ARMC9: variants seen among roughly 807,000 people sequenced by gnomAD.
ARMC9 encodes the protein lisH domain-containing protein ARMC9.
Under a neutral mutation model 107.0 loss-of-function variants are expected in ARMC9, and 94 were observed. The ratio of observed to expected loss-of-function variants is 0.88; its 90% confidence interval spans 0.74 to 1.04. The LOEUF is 1.04. Ranked by LOEUF, ARMC9 falls within the 50% of genes least tolerant of loss-of-function variation. The pLI is 0.00. For synonymous variants in ARMC9, 380 were observed against 396.9 expected (o/e 0.96, Z 0.51); for missense variants, 942 against 1,030.1 (o/e 0.91, Z 1.17).
At chr2:231,335,128 G>A (rs2044000796) in intron 20 of ARMC9, among the ~76,000 whole-genome samples, 1 of 152,208 alleles carries the variant, frequency 6.6e-6, no homozygotes. Context: ...AGACACAGCT[G>A]TTACCGTCAA....
At chr2:231,291,759 G>A (rs890069163) in intron 18 of ARMC9, among the ~76,000 whole-genome samples, 2 of 151,362 alleles carry the variant, frequency 1.3e-5, no homozygotes, top group Non-Finnish European at 2.9e-5. Flanking sequence ...AAGTTGCAGT[G>A]AGCCGAGATT....
rs144242014 is a variant in ARMC9 at position 231,217,631 on chromosome 2, T to G, written c.504+838T>G. On this transcript the variant is annotated intron_variant, in intron 5 of 24. Transcript: ENST00000611582. The stretch of plus-strand genomic sequence containing the variant: ...ACCTGCTCGAATGGCAACCTAACAA[T>G]TTTTACATTATCACACACAGAATTG... Among the ~76,000 whole-genome samples the G allele has an allele frequency of 1.4e-4, 21 of 152,160 alleles. No individual in the cohort carries two copies. The East Asian group carries it at 4.1e-3, about 29-fold the overall frequency.
In ARMC9 at chr2:231,345,018, A is replaced by C; in HGVS notation, c.1922A>C (p.Asn641Thr). Reference protein sequence around the residue: ...TGKTRRKGLANVQWSGDEPLQ... With the variant: ...TGKTRRKGLATVQWSGDEPLQ... ...AAGACAAGGCGGAAGGGGCTGGCTAATGTGCAGTGGAGCGGGGATGAGCCC... is the reference window on the plus strand; with the variant it reads ...AAGACAAGGCGGAAGGGGCTGGCTACTGTGCAGTGGAGCGGGGATGAGCCC... Residue 641 changes from asparagine (N) to threonine (T), a missense_variant, in exon 21 of 25, where the codon AAT (asparagine) becomes ACT (threonine). Asn to Thr is a moderately conservative substitution (Grantham distance 65). Coordinates refer to ENST00000611582, the MANE Select transcript of ARMC9 (RefSeq NM_001352754.2). The C allele has an allele frequency of 6.2e-7, 1 of 1,614,096 alleles. No individual in the cohort carries two copies. The highest frequency in any genetic ancestry group is 8.5e-7 in the Non-Finnish European group (1 of 1,180,006).
chr2:231,290,563 A>G (rs2040917995), intron 17 of ARMC9, among the ~76,000 whole-genome samples: 1 of 152,208 alleles, frequency 6.6e-6, no homozygotes, highest in Admixed American at 6.5e-5. Flanking sequence ...CGTCAGCTCA[A>G]GCTGTATGGA....
chr2:231,353,784 G>C (rs2045208287), intron 21 of ARMC9, among the ~76,000 whole-genome samples: 1 of 151,826 alleles, frequency 6.6e-6, no homozygotes, highest in African/African-American at 2.4e-5. Flanking sequence ...TCCATTACTT[G>C]GGGATCAAGT....
At position 231,256,580 on chromosome 2, in the gene ARMC9, C is replaced by A; in HGVS notation, c.880-6C>A. On this transcript the variant is annotated splice_polypyrimidine_tract_variant and splice_region_variant and intron_variant, in intron 9 of 24. Transcript: ENST00000611582. ...CATCTGTTTTCTTCTGTCCTCTTCCCCCCAGGCATCCACCATGTTACGAGC... is the reference window on the plus strand; with the variant it reads ...CATCTGTTTTCTTCTGTCCTCTTCCACCCAGGCATCCACCATGTTACGAGC... 6.2e-7 allele frequency: 1 copy of A among 1,614,020 alleles called. No individual in the cohort carries two copies. Among genetic ancestry groups the A allele is most frequent in the South Asian group, 1.1e-5 (1 of 91,084 alleles).
intron 20 of ARMC9, 90 bp downstream of exon 20, chr2:231,331,987 A>G (rs1340603364): frequency 1.8e-6 from 2 of 1,126,966 alleles, no homozygotes; most frequent in East Asian, 5.1e-5. Flanking sequence ...CAGAGGGTTT[A>G]GTTTGGTTTG....
chr2:231,327,186 TTGTG>T (rs2043384051), intron 19 of ARMC9, among the ~76,000 whole-genome samples: 1 of 152,210 alleles, frequency 6.6e-6, no homozygotes, highest in Non-Finnish European at 1.5e-5. Context: ...TCCCCCATGA[TTGTG>T]TGTGCCGTTC....
At chr2:231,349,868 CTAAA>C (rs2044983108) in intron 21 of ARMC9, among the ~76,000 whole-genome samples, 1 of 152,016 alleles carries the variant, frequency 6.6e-6, no homozygotes, top group African/African-American at 2.4e-5. Flanking sequence ...TTTAAAATAA[CTAAA>C]AGAGTATGAT....
chr2:231,336,967 G>A (rs2044133054), intron 20 of ARMC9, among the ~76,000 whole-genome samples: 1 of 152,168 alleles, frequency 6.6e-6, no homozygotes, highest in African/African-American at 2.4e-5. Flanking sequence ...GAGGGCCCTG[G>A]GATCCTGCTG....
intron 9 of ARMC9, among the ~76,000 whole-genome samples, chr2:231,249,999 C>A (rs980916754): frequency 6.6e-6 from 1 of 150,518 alleles, no homozygotes; most frequent in Non-Finnish European, 1.5e-5. Context: ...CACCCGTGCA[C>A]ACCTCCACGG....
At chr2:231,266,522 A>G (rs577042398) in intron 12 of ARMC9, among the ~76,000 whole-genome samples, 1 of 152,292 alleles carries the variant, frequency 6.6e-6, no homozygotes, top group African/African-American at 2.4e-5. Flanking sequence ...ATAATGTGCA[A>G]CCATCATGTG....
intron 11 of ARMC9, among the ~76,000 whole-genome samples, chr2:231,259,672 C>A (rs1193895700): frequency 6.6e-6 from 1 of 152,134 alleles, no homozygotes; most frequent in Non-Finnish European, 1.5e-5. Context: ...TTCTACCTGC[C>A]AATATTTACA....
At chr2:231,305,703 A>G (rs2041999981) in intron 19 of ARMC9, among the ~76,000 whole-genome samples, 1 of 152,048 alleles carries the variant, frequency 6.6e-6, no homozygotes, top group Non-Finnish European at 1.5e-5. Flanking sequence ...AAGGTTCTTT[A>G]CTGGCCGTGT....
In ARMC9 at chr2:231,258,995, T is replaced by C; in HGVS notation, c.919T>C (p.Leu307=). The C allele has an allele frequency of 6.2e-7, 1 of 1,612,496 alleles. No homozygotes were observed. Among genetic ancestry groups the C allele is most frequent in the Non-Finnish European group, 8.5e-7 (1 of 1,178,624 alleles). Residue 307 remains leucine, a synonymous_variant, in exon 11 of 25, where the codon TTG becomes CTG. Coordinates refer to ENST00000611582, the MANE Select transcript of ARMC9 (RefSeq NM_001352754.2). ...TGAACTTGTGTTGCTGAGTAGGAAA[T>C]TGAAGGATGTCCCATTACTGCCCTC... is the stretch of plus-strand genomic sequence containing the variant. ...MLRASLAPVK[L]KDVPLLPSLD...
At chr2:231,354,438 A>G (rs541857140) in intron 21 of ARMC9, among the ~76,000 whole-genome samples, 6 of 137,964 alleles carry the variant, frequency 4.3e-5, no homozygotes, top group South Asian at 4.5e-4. Context: ...CTGGAGTGCA[A>G]TGGCGCAATC....
intron 24 of ARMC9, chr2:231,370,520 A>C (rs2125600877): frequency 5.7e-6 from 1 of 175,746 alleles, no homozygotes; most frequent in East Asian, 1.6e-4. Context: ...GAGGTGGTCC[A>C]GCCCCTGGTT....
intron 19 of ARMC9, among the ~76,000 whole-genome samples, chr2:231,314,861 C>T (rs2042573383): frequency 6.6e-6 from 1 of 152,204 alleles, no homozygotes; most frequent in African/African-American, 2.4e-5. Flanking sequence ...TAAATTCACC[C>T]TCCTGCATAT....
At chr2:231,252,237 A>G (rs2037363023) in intron 9 of ARMC9, among the ~76,000 whole-genome samples, 1 of 152,180 alleles carries the variant, frequency 6.6e-6, no homozygotes, top group Non-Finnish European at 1.5e-5. Flanking sequence ...ATTTTTCTTT[A>G]TATATTATGG....
Sources: allele counts gnomAD v4.1 joint callset (sites outside exome capture counted in the v4.1 genomes callset), GRCh38; gene constraint gnomAD v4.1.1; transcripts MANE v1.5; gene names NCBI Gene and HGNC (gene_info 2026-07-23, HGNC 2026-07-21).